ANXA8: variants seen among roughly 807,000 people sequenced by gnomAD.
The protein encoded by ANXA8 is annexin A8, also known as VAC-beta.
ANXA8 carries 9 observed loss-of-function variants against 26.8 expected under a neutral mutation model. The observed-to-expected ratio is 0.34, with a 90% CI of 0.20 to 0.59. ANXA8 has a LOEUF of 0.59. ANXA8 is among the 20% of genes least tolerant of loss of function. The pLI is 0.84. For missense variants in ANXA8, 83 were observed against 238.5 expected, an observed-to-expected ratio of 0.35 and a Z score of 4.29; for synonymous variants, 39 against 94.8, an observed-to-expected ratio of 0.41 and a Z score of 3.42.
the ANXA8 span, among the ~76,000 whole-genome samples, chr10:47,748,126 G>T: frequency 6.6e-6 from 1 of 151,956 alleles, no homozygotes; most frequent in East Asian, 1.9e-4. Flanking sequence ...TATAGGCTGA[G>T]AACTTTCCAA....
intron 1 of ANXA8, among the ~76,000 whole-genome samples, chr10:47,481,542 C>T (rs1187022875): frequency 3.3e-5 from 5 of 150,172 alleles, no homozygotes; most frequent in Admixed American, 1.3e-4. Flanking sequence ...CAGTGCCTGC[C>T]GGCTTCCCTC....
the ANXA8 span, among the ~76,000 whole-genome samples, chr10:47,948,041 G>A: frequency 3.3e-5 from 5 of 150,482 alleles, no homozygotes; most frequent in African/African-American, 1.2e-4. Context: ...TCATGTCTTG[G>A]CAGGAGGAGT....
chr10:47,700,433 G>T, the ANXA8 span, among the ~76,000 whole-genome samples: 1 of 151,902 alleles, frequency 6.6e-6, no homozygotes, highest in Admixed American at 6.6e-5. Context: ...ATGGTGCTGA[G>T]ACAACTGGGT....
upstream of ANXA8, among the ~76,000 whole-genome samples, chr10:47,487,842 C>T (rs1337398503): frequency 3.7e-3 from 555 of 148,198 alleles, 6 homozygotes; most frequent in Non-Finnish European, 6.0e-3. Flanking sequence ...TCCTTTATGG[C>T]GCTGATTTTT....
the ANXA8 span, among the ~76,000 whole-genome samples, chr10:47,678,652 A>G: frequency 6.6e-6 from 1 of 151,918 alleles, no homozygotes; most frequent in Non-Finnish European, 1.5e-5. Context: ...AGTTAATAGA[A>G]CATCAGTAAC....
At chr10:47,700,562 T>C in the ANXA8 span, among the ~76,000 whole-genome samples, 2 of 151,574 alleles carry the variant, frequency 1.3e-5, no homozygotes, top group South Asian at 2.1e-4. Context: ...GAAGGAAACC[T>C]GAATGAATCC....
At chr10:47,903,235 CA>C in the ANXA8 span, among the ~76,000 whole-genome samples, 1 of 54,624 alleles carries the variant, frequency 1.8e-5, no homozygotes, top group African/African-American at 7.4e-5. Flanking sequence ...AAAAATGTTT[CA>C]TTTTTAAAAA....
the ANXA8 span, among the ~76,000 whole-genome samples, chr10:47,775,534 G>A: frequency 9.0e-6 from 1 of 110,976 alleles, no homozygotes; most frequent in Non-Finnish European, 1.8e-5. Context: ...GGCTAAAAGA[G>A]AGAGGTGCCA....
At chr10:47,939,210 G>C in the ANXA8 span, among the ~76,000 whole-genome samples, 1 of 144,116 alleles carries the variant, frequency 6.9e-6, no homozygotes, top group African/African-American at 2.7e-5. Flanking sequence ...GGCTGAGGCA[G>C]GAGAATCACT....
chr10:47,599,023 T>C, the ANXA8 span, among the ~76,000 whole-genome samples: 4,260 of 145,192 alleles, frequency 0.029, 139 homozygotes, highest in African/African-American at 0.1. Context: ...GAAAAATAGC[T>C]ACAACTGTGT....
the ANXA8 span, among the ~76,000 whole-genome samples, chr10:47,733,233 C>CTTTCTTTCTCTCTT: frequency 1.0e-4 from 6 of 59,720 alleles, 1 homozygote; most frequent in East Asian, 5.0e-4. Flanking sequence ...CTTTCTTTCT[C>CTTTCTTTCTCTCTT]TCTTTCTTTC....
chr10:47,982,827 T>TATATATATATAA, the ANXA8 span, among the ~76,000 whole-genome samples: 4 of 70,784 alleles, frequency 5.7e-5, no homozygotes, highest in Admixed American at 1.6e-4. Flanking sequence ...TATATATATA[T>TATATATATATAA]ATATATAAAA....
the ANXA8 span, among the ~76,000 whole-genome samples, chr10:47,586,838 G>A: frequency 1.4e-5 from 2 of 146,350 alleles, no homozygotes; most frequent in Non-Finnish European, 2.9e-5. Flanking sequence ...GCATAGAAGA[G>A]CCCCCATCTC....
chr10:47,907,138 G>A, the ANXA8 span, among the ~76,000 whole-genome samples: 2 of 151,804 alleles, frequency 1.3e-5, no homozygotes, highest in East Asian at 2.0e-4. Flanking sequence ...GGCGGATCAC[G>A]AGGTCAGGAG....
At chr10:47,694,797 C>A in the ANXA8 span, among the ~76,000 whole-genome samples, 1 of 151,612 alleles carries the variant, frequency 6.6e-6, no homozygotes, top group Non-Finnish European at 1.5e-5. Context: ...GCTATTATAA[C>A]TTCTAGCAAT....
chr10:47,527,497 AAGG>A, the ANXA8 span, among the ~76,000 whole-genome samples: 40 of 145,492 alleles, frequency 2.7e-4, 1 homozygote, highest in African/African-American at 1.0e-3. Context: ...AGTTGTTAGA[AAGG>A]AGATGATGCC....
chr10:47,684,568 C>T, the ANXA8 span, among the ~76,000 whole-genome samples: 1 of 151,838 alleles, frequency 6.6e-6, no homozygotes. Flanking sequence ...TGTAAACTTT[C>T]TTAAAACATT....
At chr10:47,641,018 C>T in the ANXA8 span, among the ~76,000 whole-genome samples, 8 of 133,066 alleles carry the variant, frequency 6.0e-5, no homozygotes, top group Non-Finnish European at 7.7e-5. Context: ...TCATCCAGCA[C>T]GCAGACTCTA....
chr10:47,738,594 T>G, the ANXA8 span, among the ~76,000 whole-genome samples: 2 of 151,940 alleles, frequency 1.3e-5, no homozygotes, highest in South Asian at 2.1e-4. Flanking sequence ...TTTTTTTTTT[T>G]GATACAGGGT....
Sources: gnomAD v4.1 joint callset for allele counts (sites outside exome capture counted in the v4.1 genomes callset) on GRCh38, gnomAD v4.1.1 for gene constraint, MANE v1.5 for transcripts, NCBI Gene and HGNC (gene_info 2026-07-23, HGNC 2026-07-21) for gene names.